Variants in GALNT13 observed in about 807,000 individuals in gnomAD.
The protein encoded by GALNT13 is polypeptide N-acetylgalactosaminyltransferase 13.
GALNT13 carries 28 observed loss-of-function variants against 64.2 expected under a neutral mutation model. The observed-to-expected ratio is 0.44, with a 90% CI of 0.32 to 0.60. The LOEUF is 0.60. Among genes scored for constraint, GALNT13 ranks in the 20% least tolerant of loss-of-function variants. The pLI, the probability that GALNT13 is intolerant of heterozygous loss-of-function variation, is 0.05. For missense variants in GALNT13, 577 were observed against 669.8 expected, an observed-to-expected ratio of 0.86 and a Z score of 1.53; for synonymous variants, 214 against 224.6, an observed-to-expected ratio of 0.95 and a Z score of 0.42.
the GALNT13 span, among the ~76,000 whole-genome samples, chr2:153,475,344 C>T: frequency 2.7e-3 from 409 of 152,300 alleles, 12 homozygotes; most frequent in Non-Finnish European, 7.9e-4. Flanking sequence ...TGTTCACATA[C>T]CTTTTGTATC....
chr2:153,251,015 C>A, the GALNT13 span, among the ~76,000 whole-genome samples: 7 of 152,134 alleles, frequency 4.6e-5, no homozygotes, highest in African/African-American at 1.4e-4. Flanking sequence ...GCACATTCTG[C>A]ACATGTATCC....
chr2:153,676,697 C>A, the GALNT13 span, among the ~76,000 whole-genome samples: 1 of 151,942 alleles, frequency 6.6e-6, no homozygotes, highest in African/African-American at 2.4e-5. Context: ...AGTAGGCTTT[C>A]TCCATGGATG....
At chr2:154,071,900 AAG>A (rs1480072422) in intron 3 of GALNT13, among the ~76,000 whole-genome samples, 35 of 152,242 alleles carry the variant, frequency 2.3e-4, no homozygotes, top group Non-Finnish European at 4.1e-4. Context: ...TGAAATAGAC[AAG>A]AAGCACAAGA....
At chr2:153,978,906 A>C (rs1463377783) in intron 3 of GALNT13, among the ~76,000 whole-genome samples, 1 of 152,124 alleles carries the variant, frequency 6.6e-6, no homozygotes, top group Non-Finnish European at 1.5e-5. Context: ...ACTGCACTCC[A>C]GCCTGGGTGA....
At position 154,014,776 on chromosome 2, in the gene GALNT13, G is replaced by A. The variant is rs535090126; in HGVS notation, c.142+70137G>A. On this transcript the variant is annotated intron_variant, in intron 3 of 12. Coordinates refer to ENST00000392825, the MANE Select transcript of GALNT13 (RefSeq NM_052917.4). ...GCCTCCCCAGTAGCTGGGACTACAGGCGCCCACCACCACTCCCAGCTAATT... is the reference window on the plus strand; with the variant it reads ...GCCTCCCCAGTAGCTGGGACTACAGACGCCCACCACCACTCCCAGCTAATT... Among the ~76,000 whole-genome samples the A allele has an allele frequency of 3.8e-4, 58 of 151,368 alleles. No homozygotes were observed. In the South Asian group the frequency reaches 8.6e-3, roughly 22 times the overall value.
the GALNT13 span, among the ~76,000 whole-genome samples, chr2:153,760,463 TA>T: frequency 1.3e-5 from 2 of 152,074 alleles, no homozygotes; most frequent in African/African-American, 2.4e-5. Context: ...CTTAAGTTTT[TA>T]AAAATGTCCC....
chr2:153,206,849 A>G, the GALNT13 span, among the ~76,000 whole-genome samples: 1 of 152,106 alleles, frequency 6.6e-6, no homozygotes. Flanking sequence ...AGCAGTTAAT[A>G]AAGAAGTCAA....
At chr2:153,931,066 AGTGTGTGTGTGTGT>A (rs59409947) in intron 2 of GALNT13, among the ~76,000 whole-genome samples, 8 of 138,172 alleles carry the variant, frequency 5.8e-5, no homozygotes, top group Admixed American at 1.5e-4. Flanking sequence ...TGTATTCCTA[AGTGTGTGTGTGTGT>A]GTGTGTGTGT....
chr2:153,080,272 T>A, the GALNT13 span, among the ~76,000 whole-genome samples: 1 of 152,186 alleles, frequency 6.6e-6, no homozygotes, highest in East Asian at 1.9e-4. Context: ...TTAAGCTGTT[T>A]AGGTTGGATG....
At chr2:153,380,132 C>G in the GALNT13 span, among the ~76,000 whole-genome samples, 2 of 152,066 alleles carry the variant, frequency 1.3e-5, no homozygotes, top group Non-Finnish European at 2.9e-5. Context: ...ATGGCCTCCA[C>G]ATACATAGAT....
the GALNT13 span, among the ~76,000 whole-genome samples, chr2:153,551,124 A>G: frequency 6.6e-6 from 1 of 152,190 alleles, no homozygotes; most frequent in Non-Finnish European, 1.5e-5. Flanking sequence ...GTCCTACATC[A>G]GGAAAAATTC....
At chr2:154,203,703 T>A (rs895861642) in intron 4 of GALNT13, among the ~76,000 whole-genome samples, 3 of 152,108 alleles carry the variant, frequency 2.0e-5, no homozygotes, top group Non-Finnish European at 4.4e-5. Context: ...CTTTCTTGAT[T>A]CTTTTCTTTG....
intron 4 of GALNT13, among the ~76,000 whole-genome samples, chr2:154,216,802 CTTTTTTTTTTTT>C (rs397872685): frequency 5.6e-5 from 4 of 71,296 alleles, no homozygotes; most frequent in African/African-American, 1.1e-4. Flanking sequence ...TTCTCTCTCT[CTTTTTTTTTTTT>C]TTTTTTTTTT....
chr2:153,433,765 C>A, the GALNT13 span, among the ~76,000 whole-genome samples: 10 of 152,166 alleles, frequency 6.6e-5, no homozygotes, highest in Non-Finnish European at 1.2e-4. Context: ...ATCATTAAAT[C>A]CGAACATATA....
chr2:153,539,714 G>A, the GALNT13 span, among the ~76,000 whole-genome samples: 227 of 151,154 alleles, frequency 1.5e-3, no homozygotes, highest in East Asian at 7.6e-3. Flanking sequence ...GATATGCGGC[G>A]TTATTTCTGA....
At chr2:153,249,558 C>T in the GALNT13 span, among the ~76,000 whole-genome samples, 47 of 152,102 alleles carry the variant, frequency 3.1e-4, no homozygotes, top group Non-Finnish European at 5.9e-4. Context: ...AAAAAGAGCC[C>T]ATATAACCAA....
At chr2:153,116,059 G>A in the GALNT13 span, among the ~76,000 whole-genome samples, 1 of 151,886 alleles carries the variant, frequency 6.6e-6, no homozygotes, top group Non-Finnish European at 1.5e-5. Flanking sequence ...TGGTTTTAGG[G>A]GATAAACTAA....
the GALNT13 span, among the ~76,000 whole-genome samples, chr2:153,771,286 T>C: frequency 6.6e-6 from 1 of 152,198 alleles, no homozygotes; most frequent in African/African-American, 2.4e-5. Context: ...CACAACAAGA[T>C]CTTTGTATAG....
chr2:153,149,512 TCTC>T, the GALNT13 span, among the ~76,000 whole-genome samples: 1 of 151,848 alleles, frequency 6.6e-6, no homozygotes, highest in Admixed American at 6.6e-5. Context: ...GGTTCTTACT[TCTC>T]CTTCTGTTGG....
Sources: gnomAD v4.1 joint callset for allele counts (sites outside exome capture counted in the v4.1 genomes callset) on GRCh38, gnomAD v4.1.1 for gene constraint, MANE v1.5 for transcripts, NCBI Gene and HGNC (gene_info 2026-07-23, HGNC 2026-07-21) for gene names.